KLF12: variants seen among roughly 807,000 people sequenced by gnomAD.
The protein encoded by KLF12 is KLF transcription factor 12.
In KLF12, 9 loss-of-function variants were observed where a neutral mutation model predicts 37.8. That is an observed-to-expected ratio of 0.24 (90% CI 0.14 to 0.42). KLF12 has a LOEUF of 0.42. KLF12 is among the 10% of genes least tolerant of loss of function. KLF12 has a pLI of 1.00. For synonymous variants in KLF12, 208 were observed against 202.1 expected, an observed-to-expected ratio of 1.03 and a Z score of -0.25; for missense variants, 411 against 516.0, an observed-to-expected ratio of 0.80 and a Z score of 1.97.
chr13:74,060,492 G>GTGTGTGTGTGTGCGTC (rs1555336631), intron 1 of KLF12, among the ~76,000 whole-genome samples: 2 of 103,134 alleles, frequency 1.9e-5, no homozygotes, highest in African/African-American at 6.5e-5. Context: ...TTTTGTGTGT[G>GTGTGTGTGTGTGCGTC]TGTGTGTGTG....
chr13:74,010,276 A>G (rs1357146312), intron 1 of KLF12, among the ~76,000 whole-genome samples: 1 of 152,192 alleles, frequency 6.6e-6, no homozygotes, highest in Non-Finnish European at 1.5e-5. Flanking sequence ...GACATTATGC[A>G]AGAACACCAC....
intron 1 of KLF12, among the ~76,000 whole-genome samples, chr13:74,056,424 G>A (rs1355846319): frequency 6.6e-6 from 1 of 152,166 alleles, no homozygotes; most frequent in African/African-American, 2.4e-5. Context: ...TTACAGTAAA[G>A]ATTAATAACA....
intron 3 of KLF12, among the ~76,000 whole-genome samples, chr13:73,896,562 G>T (rs1039207250): frequency 4.6e-5 from 7 of 152,162 alleles, no homozygotes; most frequent in African/African-American, 1.7e-4. Flanking sequence ...TGTTAATAGA[G>T]AAATCATTAG....
chr13:74,273,040 A>G, the KLF12 span, among the ~76,000 whole-genome samples: 15,463 of 152,240 alleles, frequency 0.1, 2,563 homozygotes, highest in African/African-American at 0.35. Context: ...CACAAATGCC[A>G]TCTTCTTTTC....
chr13:73,830,089 C>T (rs1884071005), intron 4 of KLF12, among the ~76,000 whole-genome samples: 1 of 152,070 alleles, frequency 6.6e-6, no homozygotes, highest in South Asian at 2.1e-4. Flanking sequence ...GCATTAGTTG[C>T]AAGGTGGATA....
At chr13:73,927,738 C>T (rs867664042) in intron 3 of KLF12, among the ~76,000 whole-genome samples, 40 of 144,460 alleles carry the variant, frequency 2.8e-4, no homozygotes, top group African/African-American at 9.1e-4. Flanking sequence ...CCACCACACC[C>T]GGCTAAATTT....
At chr13:74,056,658 T>C (rs1166465304) in intron 1 of KLF12, among the ~76,000 whole-genome samples, 1 of 152,222 alleles carries the variant, frequency 6.6e-6, no homozygotes, top group African/African-American at 2.4e-5. Context: ...CCCATCTATA[T>C]TGTTGAACTA....
Position 73,990,771 on chromosome 13 carries a change from G to A in KLF12, c.33+4219C>T, listed in dbSNP as rs143905142. 1.8e-4 allele frequency among the ~76,000 whole-genome samples: 28 copies of A among 151,758 alleles called. 1 individual carries two copies. In the East Asian group the frequency reaches 5.4e-3, roughly 29 times the overall value. ...TATTAATATGAAATTAATCTATTAG[G>A]CTTAAATTCAATTCTTATTTTTTTC... On this transcript the variant is annotated intron_variant, in intron 2 of 7. Coordinates refer to ENST00000377669, the MANE Select transcript of KLF12 (RefSeq NM_007249.5).
chr13:73,864,996 T>C (rs917298053), intron 3 of KLF12, among the ~76,000 whole-genome samples: 2 of 152,082 alleles, frequency 1.3e-5, no homozygotes, highest in East Asian at 1.9e-4. Flanking sequence ...ACAGAAAATA[T>C]ATGATGAAAG....
Position 73,892,036 on chromosome 13 carries a change from CTG to C in KLF12, c.124-45665_124-45664del, listed in dbSNP as rs779240926. Among the ~76,000 whole-genome samples the C allele has an allele frequency of 2.0e-5, 3 of 148,648 alleles. No homozygotes were observed. In the East Asian group the frequency reaches 6.0e-4, roughly 30 times the overall value. On this transcript the variant is annotated intron_variant, in intron 3 of 7. Transcript: ENST00000377669. ...ATTCATTGACAATATTTTTTTTTTTCTGTGTTACTACAAGTAGCTCCTTCACA... is the reference window on the plus strand; with the variant it reads ...ATTCATTGACAATATTTTTTTTTTTCTGTTACTACAAGTAGCTCCTTCACA...
At chr13:74,231,368 T>G in the KLF12 span, 6 of 152,248 alleles carry the variant, frequency 3.9e-5, no homozygotes, top group African/African-American at 1.2e-4. Flanking sequence ...TACCAATGTC[T>G]TCTTTTGTTC....
At chr13:74,224,841 G>A in the KLF12 span, among the ~76,000 whole-genome samples, 1 of 152,136 alleles carries the variant, frequency 6.6e-6, no homozygotes, top group South Asian at 2.1e-4. Flanking sequence ...AACTTCATCA[G>A]GAAAACCATT....
intron 1 of KLF12, among the ~76,000 whole-genome samples, chr13:74,005,434 A>G (rs926549246): frequency 6.6e-6 from 1 of 152,208 alleles, no homozygotes; most frequent in African/African-American, 2.4e-5. Flanking sequence ...ATCGTATAAC[A>G]TATATTTCAA....
chr13:73,763,237 A>G (rs1214951228), intron 6 of KLF12, among the ~76,000 whole-genome samples: 1 of 152,178 alleles, frequency 6.6e-6, no homozygotes, highest in Admixed American at 6.6e-5. Context: ...ATATCTCCTT[A>G]GAGCTTTACC....
chr13:74,000,543 C>T (rs915139130), intron 1 of KLF12, among the ~76,000 whole-genome samples: 1 of 152,134 alleles, frequency 6.6e-6, no homozygotes, highest in Non-Finnish European at 1.5e-5. Context: ...CTTGAAATTA[C>T]GCTTCCACCC....
chr13:74,246,047 G>C, the KLF12 span, among the ~76,000 whole-genome samples: 89 of 152,284 alleles, frequency 5.8e-4, no homozygotes, highest in African/African-American at 2.1e-3. Flanking sequence ...TTCAATGTCA[G>C]TGTGCCAATT....
At chr13:73,880,143 C>T (rs1419076197) in intron 3 of KLF12, among the ~76,000 whole-genome samples, 1 of 152,116 alleles carries the variant, frequency 6.6e-6, no homozygotes, top group Admixed American at 6.6e-5. Context: ...TGCACAAAGA[C>T]CCCTCCTCTC....
the KLF12 span, among the ~76,000 whole-genome samples, chr13:74,165,296 T>C: frequency 7.2e-4 from 85 of 118,760 alleles, no homozygotes; most frequent in Admixed American, 3.4e-3. Context: ...CATATTTTCT[T>C]TTCTTTTTTT....
chr13:73,833,972 C>A (rs80247603), intron 4 of KLF12, among the ~76,000 whole-genome samples: 30,871 of 152,076 alleles, frequency 0.2, 3,849 homozygotes, highest in East Asian at 0.51. Context: ...ACTGTTCCTG[C>A]AGTGTTTCCC....
Sources: allele counts gnomAD v4.1 joint callset (sites outside exome capture counted in the v4.1 genomes callset), GRCh38; gene constraint gnomAD v4.1.1; transcripts MANE v1.5; gene names NCBI Gene and HGNC (gene_info 2026-07-23, HGNC 2026-07-21).